COL27A1: variants seen among roughly 807,000 people sequenced by gnomAD.
COL27A1 encodes the protein collagen type XXVII alpha 1 chain.
In COL27A1, 106 loss-of-function variants were observed where a neutral mutation model predicts 251.3. The ratio of observed to expected loss-of-function variants is 0.42; its 90% CI spans 0.36 to 0.50. The LOEUF is 0.50. Among genes scored for constraint, COL27A1 ranks in the 20% least tolerant of loss-of-function variants. The pLI is 0.00. For missense variants in COL27A1, 2,325 were observed against 2,522.8 expected (o/e 0.92, Z 1.68); for synonymous variants, 1,000 against 986.3 (o/e 1.01, Z -0.26).
intron 36 of COL27A1, among the ~76,000 whole-genome samples, chr9:114,274,897 G>A (rs1271451046): frequency 6.6e-6 from 1 of 151,900 alleles, no homozygotes; most frequent in Non-Finnish European, 1.5e-5. Context: ...GAGTGGTTCT[G>A]AGAAGGAGAA....
chr9:114,312,497 ACTGAGGC>A lies in COL27A1; in HGVS notation c.*1803_*1809del, dbSNP rs1829509776. 6.6e-6 allele frequency: 1 copy of A among 152,134 alleles called. No homozygotes were observed. Among genetic ancestry groups the A allele is most frequent in the African/African-American group, 2.4e-5 (1 of 41,408 alleles). 9.4% of individuals were successfully genotyped at this position (152,134 alleles called of 1,614,324 possible). On this transcript the variant is annotated 3_prime_UTR_variant, in exon 61 of 61. Transcript: ENST00000356083. ...TCTGGATTTTAAATAAATATTTAAA[ACTGAGGC>A]AATGGAATGACACGCCTGTGGTCCC...
In COL27A1 at chr9:114,166,417, A is replaced by G. The variant is rs1848881373; in HGVS notation, c.134-1272A>G. 4.7e-5 allele frequency among the ~76,000 whole-genome samples: 7 copies of G among 147,808 alleles called. No homozygotes were observed. The South Asian group carries it at 1.3e-3, about 28-fold the overall frequency. On this transcript the variant is annotated intron_variant, in intron 2 of 60. Transcript: ENST00000356083. ...CATCCACCCACCCACCTATCCATTT[A>G]TCCATTCATCCATCCATCCATTCAT...
chr9:114,203,155 C>T (rs1033725760), intron 7 of COL27A1, among the ~76,000 whole-genome samples: 1 of 152,110 alleles, frequency 6.6e-6, no homozygotes. Flanking sequence ...TGTTTTTATA[C>T]CTCCTTAATT....
chr9:114,220,445 G>A (rs997173176), intron 13 of COL27A1, among the ~76,000 whole-genome samples: 1 of 152,248 alleles, frequency 6.6e-6, no homozygotes, highest in African/African-American at 2.4e-5. Flanking sequence ...TGCCTGAGCA[G>A]CTGTGCCAGC....
rs1250802466 is a variant in COL27A1 at position 114,288,973 on chromosome 9, T to TGGTG, written c.4152+7_4152+10dup. On this transcript the variant is annotated splice_region_variant and intron_variant, in intron 44 of 60. Coordinates refer to ENST00000356083, the MANE Select transcript of COL27A1 (RefSeq NM_032888.4). ...CAGGCCAGCAGGGCCAACCCGTGAG[T>TGGTG]GGTGCTTCGTGTCCCATCCCTGCCT... The TGGTG allele has an allele frequency of 6.2e-7, 1 of 1,613,320 alleles. No individual in the cohort carries two copies. The highest frequency in any genetic ancestry group is 1.3e-5 in the African/African-American group (1 of 74,914).
At chr9:114,231,235 G>T (rs1831926364) in intron 15 of COL27A1, 103 bp downstream of exon 15, 1 of 1,131,160 alleles carries the variant, frequency 8.8e-7, no homozygotes, top group Non-Finnish European at 1.3e-6. Context: ...GCTGGGGGAA[G>T]GGAGGATGGC....
intron 4 of COL27A1, among the ~76,000 whole-genome samples, chr9:114,178,749 TG>T (rs1051294016): frequency 2.6e-5 from 4 of 152,134 alleles, no homozygotes; most frequent in African/African-American, 9.7e-5. Flanking sequence ...CATAGGTACC[TG>T]GAGGGGCCAT....
At chr9:114,167,644 G>A (rs376638194) in intron 2 of COL27A1, 45 bp from the exon 3 acceptor site, 1 of 1,531,258 alleles carries the variant, frequency 6.5e-7, no homozygotes, top group Non-Finnish European at 8.9e-7. Flanking sequence ...GGGTGGGCTG[G>A]AGCAGGCCCT....
In COL27A1 at chr9:114,202,648, C is replaced by T. The variant is rs79139712; in HGVS notation, c.2125-2454C>T. 3.3e-3 allele frequency among the ~76,000 whole-genome samples: 496 copies of T among 152,266 alleles called. 2 individuals carry two copies. The highest frequency in any genetic ancestry group is 0.011 in the African/African-American group (477 of 41,542). On this transcript the variant is annotated intron_variant, in intron 7 of 60. Transcript: ENST00000356083. Reference sequence around the variant, plus strand: ...TCTCCAACCACCGCCATCCTTCACCCTCTCACCCACTCTATTCCAGTCATA... The same window carrying T: ...TCTCCAACCACCGCCATCCTTCACCTTCTCACCCACTCTATTCCAGTCATA...
chr9:114,220,236 G>A (rs982849742), intron 13 of COL27A1, among the ~76,000 whole-genome samples: 3 of 152,214 alleles, frequency 2.0e-5, no homozygotes, highest in Non-Finnish European at 4.4e-5. Flanking sequence ...CGTGTTTGGA[G>A]AAAAGGAAGA....
intron 36 of COL27A1, 93 bp downstream of exon 36, chr9:114,270,874 C>G (rs1280772965): frequency 3.1e-6 from 3 of 970,318 alleles, no homozygotes; most frequent in Non-Finnish European, 4.9e-6. Flanking sequence ...CACTGTGTTC[C>G]CATAGAGATC....
At chr9:114,163,344 T>G (rs1319134902) in intron 2 of COL27A1, among the ~76,000 whole-genome samples, 1 of 151,886 alleles carries the variant, frequency 6.6e-6, no homozygotes, top group Non-Finnish European at 1.5e-5. Context: ...TTTGAGTAAG[T>G]TACTCCGGTT....
In COL27A1 at chr9:114,243,637, A is replaced by G. The variant is rs1206547838; in HGVS notation, c.2934+77A>G. 1.5e-5 allele frequency: 19 copies of G among 1,235,090 alleles called. No homozygotes were observed. The East Asian group carries it at 4.5e-4, about 29-fold the overall frequency. The allele number at this position is 1,235,090 out of a possible 1,614,324, so 76.5% of individuals were successfully genotyped here. ...TATCTGGGCCCCAAGTCAAGCCCCA[A>G]ATCCCATGGCCAGTTGTGAAAAGGG... On this transcript the variant is annotated intron_variant, in intron 23 of 60. Coordinates refer to ENST00000356083, the MANE Select transcript of COL27A1 (RefSeq NM_032888.4).
intron 49 of COL27A1, among the ~76,000 whole-genome samples, chr9:114,296,354 A>G (rs1828255050): frequency 1.3e-5 from 2 of 152,232 alleles, no homozygotes; most frequent in Admixed American, 1.3e-4. Context: ...GCAAAACTCA[A>G]TAATAAAAAT....
chr9:114,256,086 C>T (rs998960944), intron 27 of COL27A1, among the ~76,000 whole-genome samples: 4 of 152,184 alleles, frequency 2.6e-5, no homozygotes, highest in Admixed American at 6.5e-5. Context: ...AAGGCTACTA[C>T]GATTAAAAGT....
chr9:114,252,815 G>T, intron 26 of COL27A1, 64 bp from the exon 27 acceptor site: 2 of 1,546,440 alleles, frequency 1.3e-6, no homozygotes, highest in Non-Finnish European at 1.8e-6. Context: ...TGAGCCGACC[G>T]AGGTGGGACT....
rs556899461 is a variant in COL27A1, at chr9:114,294,475, T to TA, written c.4584+2267dup. On this transcript the variant is annotated intron_variant, in intron 49 of 60. Coordinates refer to ENST00000356083, the MANE Select transcript of COL27A1 (RefSeq NM_032888.4). ...TTAGTTAGAGGAACCTAAGAATATA[T>TA]AATAAGGATAATACATCAAGACCAA... is the stretch of plus-strand genomic sequence containing the variant. Among the ~76,000 whole-genome samples, 15 of 152,182 alleles carry TA rather than the reference T, an allele frequency of 9.9e-5. No homozygotes were observed. In the East Asian group the frequency reaches 2.7e-3, roughly 27 times the overall value.
Position 114,310,871 on chromosome 9 carries a change from T to G in COL27A1, c.*176T>G. 1.7e-6 allele frequency: 1 copy of G among 591,790 alleles called. No homozygotes were observed. The allele number at this position is 591,790 out of a possible 1,614,324, so 36.7% of individuals were successfully genotyped here. On this transcript the variant is annotated 3_prime_UTR_variant, in exon 61 of 61. Coordinates refer to ENST00000356083, the MANE Select transcript of COL27A1 (RefSeq NM_032888.4). Reference sequence around the variant, plus strand: ...TGGGTGGGGGTAGGAGGGGATAGGGTGTCCTTGGGAACAATGGATCCCAGC... The same window carrying G: ...TGGGTGGGGGTAGGAGGGGATAGGGGGTCCTTGGGAACAATGGATCCCAGC...
intron 4 of COL27A1, among the ~76,000 whole-genome samples, chr9:114,182,751 C>T (rs529533206): frequency 8.5e-5 from 13 of 152,238 alleles, no homozygotes; most frequent in Admixed American, 5.2e-4. Flanking sequence ...ACATTGGCAT[C>T]CTCGTCTTCA....
Sources: allele counts gnomAD v4.1 joint callset (sites outside exome capture counted in the v4.1 genomes callset), GRCh38; gene constraint gnomAD v4.1.1; transcripts MANE v1.5; gene names NCBI Gene and HGNC (gene_info 2026-07-23, HGNC 2026-07-21).